SHISA9: variants seen among roughly 807,000 people sequenced by gnomAD.
The protein encoded by SHISA9 is protein shisa-9.
SHISA9 carries 13 observed loss-of-function variants against 38.0 expected under a neutral mutation model. The ratio of observed to expected loss-of-function variants is 0.34; its 90% CI spans 0.22 to 0.54. The LOEUF (loss-of-function observed/expected upper bound fraction) is 0.54. Ranked by LOEUF, SHISA9 falls within the 20% of genes least tolerant of loss-of-function variation. The pLI is 0.91. For missense variants in SHISA9, 538 were observed against 575.8 expected, an observed-to-expected ratio of 0.93 and a Z score of 0.67; for synonymous variants, 275 against 242.0, an observed-to-expected ratio of 1.14 and a Z score of -1.27.
At chr16:13,458,360 T>C in the SHISA9 span, 1 of 358,852 alleles carries the variant, frequency 2.8e-6, no homozygotes, top group Non-Finnish European at 5.4e-6. Context: ...TTTGGACCAG[T>C]GTCTGTATCA....
At chr16:13,166,651 T>C (rs2050638581) in intron 2 of SHISA9, among the ~76,000 whole-genome samples, 1 of 152,204 alleles carries the variant, frequency 6.6e-6, no homozygotes, top group Non-Finnish European at 1.5e-5. Context: ...GTCTGTTTTG[T>C]CTACGGTGTG....
At chr16:13,118,816 A>G (rs56268331) in intron 2 of SHISA9, among the ~76,000 whole-genome samples, 4,604 of 141,028 alleles carry the variant, frequency 0.033, 101 homozygotes, top group East Asian at 0.12. Context: ...TGCAACCTCC[A>G]CCTCACGGGT....
At chr16:13,040,190 C>T (rs1012395174) in intron 2 of SHISA9, among the ~76,000 whole-genome samples, 1 of 152,234 alleles carries the variant, frequency 6.6e-6, no homozygotes, top group Non-Finnish European at 1.5e-5. Flanking sequence ...CACCTGCAAA[C>T]TCCTCTCTGT....
chr16:13,002,507 A>G (rs2072538201), intron 2 of SHISA9, among the ~76,000 whole-genome samples: 1 of 151,102 alleles, frequency 6.6e-6, no homozygotes, highest in African/African-American at 2.4e-5. Context: ...TGGCATTGCA[A>G]TGTGAGACAG....
chr16:13,103,163 G>T (rs1258954312), intron 2 of SHISA9, among the ~76,000 whole-genome samples: 1 of 152,088 alleles, frequency 6.6e-6, no homozygotes, highest in African/African-American at 2.4e-5. Flanking sequence ...AGCAGAGCTG[G>T]GATTGAATTT....
chr16:12,991,159 T>C (rs2141832530), intron 2 of SHISA9, among the ~76,000 whole-genome samples: 1 of 152,344 alleles, frequency 6.6e-6, no homozygotes, highest in Non-Finnish European at 1.5e-5. Flanking sequence ...TCATTGTTTG[T>C]ATTTATTCTG....
the SHISA9 span, among the ~76,000 whole-genome samples, chr16:13,272,675 A>G: frequency 1.3e-5 from 2 of 152,194 alleles, no homozygotes; most frequent in East Asian, 1.9e-4. Context: ...AATTTATAGA[A>G]CAGCTGATAC....
the SHISA9 span, among the ~76,000 whole-genome samples, chr16:13,389,497 T>G: frequency 6.6e-6 from 1 of 152,246 alleles, no homozygotes; most frequent in Non-Finnish European, 1.5e-5. Context: ...CTGTACATCT[T>G]AAATATATAC....
chr16:13,317,794 A>C, the SHISA9 span, among the ~76,000 whole-genome samples: 1 of 152,210 alleles, frequency 6.6e-6, no homozygotes, highest in South Asian at 2.1e-4. Flanking sequence ...GCTCTTTGTC[A>C]CAGAAACTTT....
the SHISA9 span, among the ~76,000 whole-genome samples, chr16:13,473,082 T>C: frequency 1.3e-5 from 2 of 152,016 alleles, no homozygotes; most frequent in African/African-American, 4.8e-5. Flanking sequence ...CCTTGTTGGA[T>C]TCTGACTAAC....
the SHISA9 span, among the ~76,000 whole-genome samples, chr16:13,426,546 T>G: frequency 6.6e-6 from 1 of 152,158 alleles, no homozygotes; most frequent in Non-Finnish European, 1.5e-5. Flanking sequence ...CCACAGAGAA[T>G]CTTGACATTC....
chr16:13,512,139 C>T, the SHISA9 span, among the ~76,000 whole-genome samples: 1 of 152,136 alleles, frequency 6.6e-6, no homozygotes, highest in Non-Finnish European at 1.5e-5. Flanking sequence ...AACCTAATTG[C>T]ATCTTAGAAC....
At chr16:13,091,078 A>C (rs902038477) in intron 2 of SHISA9, among the ~76,000 whole-genome samples, 3 of 152,204 alleles carry the variant, frequency 2.0e-5, no homozygotes, top group African/African-American at 7.2e-5. Context: ...GGCTGGATAT[A>C]AAATTCTGGG....
At chr16:13,154,523 C>T (rs528611593) in intron 2 of SHISA9, among the ~76,000 whole-genome samples, 4 of 152,260 alleles carry the variant, frequency 2.6e-5, no homozygotes, top group East Asian at 3.9e-4. Flanking sequence ...TGTTAACTGG[C>T]TCTTGGCAGT....
chr16:13,157,254 C>T (rs1475872596), intron 2 of SHISA9, among the ~76,000 whole-genome samples: 1 of 152,178 alleles, frequency 6.6e-6, no homozygotes, highest in Non-Finnish European at 1.5e-5. Context: ...CTTTCAGAGC[C>T]TCTCATCTAT....
chr16:13,004,006 A>T (rs1012813755), intron 2 of SHISA9, among the ~76,000 whole-genome samples: 1 of 152,148 alleles, frequency 6.6e-6, no homozygotes, highest in Admixed American at 6.5e-5. Flanking sequence ...TCTGTTACAG[A>T]GATGTCCTGG....
the SHISA9 span, among the ~76,000 whole-genome samples, chr16:13,335,206 G>A: frequency 1.3e-5 from 2 of 152,188 alleles, no homozygotes; most frequent in African/African-American, 2.4e-5. Flanking sequence ...TAGTCAGACC[G>A]GCTTTCTCTG....
chr16:13,058,751 T>TTGTGTG (rs57415975), intron 2 of SHISA9, among the ~76,000 whole-genome samples: 8,328 of 144,874 alleles, frequency 0.057, 288 homozygotes, highest in East Asian at 0.12. Context: ...TGTGGTGTAT[T>TTGTGTG]TGTGTGTGTG....
intron 4 of SHISA9, among the ~76,000 whole-genome samples, chr16:13,225,872 G>A (rs7204584): frequency 0.24 from 36,198 of 152,028 alleles, 4,739 homozygotes; most frequent in African/African-American, 0.34. Flanking sequence ...TTTCTTCAAG[G>A]CAATTAGGGT....
Sources: gnomAD v4.1 joint callset for allele counts (sites outside exome capture counted in the v4.1 genomes callset) on GRCh38, gnomAD v4.1.1 for gene constraint, MANE v1.5 for transcripts, NCBI Gene and HGNC (gene_info 2026-07-23, HGNC 2026-07-21) for gene names.